SBF2: variants seen among roughly 807,000 people sequenced by gnomAD.
SBF2 encodes myotubularin-related protein 13.
Under a neutral mutation model 225.2 loss-of-function variants are expected in SBF2, and 112 were observed. That is an observed-to-expected ratio of 0.50 (90% CI 0.43 to 0.58). The LOEUF (loss-of-function observed/expected upper bound fraction) is 0.58. SBF2 is among the 20% of genes least tolerant of loss of function. SBF2 has a pLI of 0.00. For synonymous variants in SBF2, 763 were observed against 773.3 expected (o/e 0.99, Z 0.22); for missense variants, 1,996 against 2,206.2 (o/e 0.90, Z 1.91).
At chr11:9,888,753 T>C (rs1860547698) in intron 17 of SBF2, among the ~76,000 whole-genome samples, 1 of 152,180 alleles carries the variant, frequency 6.6e-6, no homozygotes, top group Admixed American at 6.5e-5. Flanking sequence ...TGGAACTCAT[T>C]TGAAGAACTC....
At chr11:10,093,425 G>T (rs1193631401) in intron 2 of SBF2, among the ~76,000 whole-genome samples, 1 of 149,748 alleles carries the variant, frequency 6.7e-6, no homozygotes, top group African/African-American at 2.5e-5. Context: ...AATCTTGAAA[G>T]AATAAGCTGC....
chr11:10,245,822 G>T (rs536613305), intron 1 of SBF2, among the ~76,000 whole-genome samples: 2 of 152,270 alleles, frequency 1.3e-5, no homozygotes, highest in African/African-American at 2.4e-5. Flanking sequence ...CCTTCAGAAA[G>T]GTATCTTGCC....
At chr11:10,097,158 A>G (rs889916302) in intron 2 of SBF2, among the ~76,000 whole-genome samples, 3 of 152,184 alleles carry the variant, frequency 2.0e-5, no homozygotes, top group African/African-American at 7.2e-5. Flanking sequence ...TGAGGAAATG[A>G]GTTCACCCTG....
chr11:10,119,071 T>C (rs758653168), intron 2 of SBF2, among the ~76,000 whole-genome samples: 3 of 152,020 alleles, frequency 2.0e-5, no homozygotes, highest in Admixed American at 6.6e-5. Context: ...GGTAGAACAA[T>C]GTTTGAAAAA....
intron 28 of SBF2, among the ~76,000 whole-genome samples, chr11:9,817,768 C>CAAAAAA (rs1564880660): frequency 1.6e-5 from 1 of 64,364 alleles, no homozygotes; most frequent in Non-Finnish European, 2.8e-5. Flanking sequence ...AAAAAAAAAA[C>CAAAAAA]TACAAAAAGA....
intron 13 of SBF2, 35 bp downstream of exon 13, chr11:9,989,459 TAAA>T (rs775639288): frequency 1.6e-6 from 2 of 1,275,852 alleles, no homozygotes; most frequent in Non-Finnish European, 2.2e-6. Context: ...AATAAATAAA[TAAA>T]ATTAATGACT....
chr11:10,229,619 G>A (rs1370661523), intron 1 of SBF2, among the ~76,000 whole-genome samples: 3 of 152,152 alleles, frequency 2.0e-5, no homozygotes, highest in African/African-American at 4.8e-5. Context: ...GTAGTTGAGT[G>A]GTTTTGAGTG....
chr11:9,879,114 CCAT>C (rs1859530155), intron 17 of SBF2, among the ~76,000 whole-genome samples: 1 of 152,160 alleles, frequency 6.6e-6, no homozygotes, highest in Non-Finnish European at 1.5e-5. Context: ...TGATTTTCTG[CCAT>C]AATAATTTCT....
At chr11:10,221,003 A>G (rs1025606966) in intron 1 of SBF2, among the ~76,000 whole-genome samples, 3 of 152,116 alleles carry the variant, frequency 2.0e-5, no homozygotes, top group Admixed American at 1.3e-4. Flanking sequence ...GACTGGGCTA[A>G]GCTTCTATTC....
At chr11:10,224,106 T>C (rs1958449559) in intron 1 of SBF2, among the ~76,000 whole-genome samples, 1 of 152,174 alleles carries the variant, frequency 6.6e-6, no homozygotes, top group Admixed American at 6.6e-5. Flanking sequence ...TATCTACTTA[T>C]ATTTTATGTA....
At chr11:10,174,913 A>G (rs12270341) in intron 2 of SBF2, among the ~76,000 whole-genome samples, 8,931 of 141,820 alleles carry the variant, frequency 0.063, 391 homozygotes, top group East Asian at 0.2. Flanking sequence ...GCCAAACTAA[A>G]CTTCATAAGT....
chr11:10,082,729 A>G (rs772560528), intron 2 of SBF2, among the ~76,000 whole-genome samples: 64 of 152,192 alleles, frequency 4.2e-4, no homozygotes, highest in Non-Finnish European at 6.3e-4. Context: ...CAGAAGGAAC[A>G]TATCTCAATG....
chr11:10,270,385 G>C (rs112977775), intron 1 of SBF2, among the ~76,000 whole-genome samples: 71 of 152,218 alleles, frequency 4.7e-4, no homozygotes, highest in African/African-American at 1.7e-3. Context: ...AAGCAGACTA[G>C]AGAAAAGAAA....
chr11:10,255,416 A>C (rs1035784023), intron 1 of SBF2, among the ~76,000 whole-genome samples: 18 of 152,344 alleles, frequency 1.2e-4, no homozygotes, highest in African/African-American at 4.3e-4. Flanking sequence ...CTGGTTTGTC[A>C]AGTTCTTTGG....
chr11:10,225,158 G>A (rs1958490281), intron 1 of SBF2, among the ~76,000 whole-genome samples: 2 of 151,918 alleles, frequency 1.3e-5, no homozygotes, highest in Non-Finnish European at 2.9e-5. Context: ...TGTTACCTCA[G>A]AATTAGGATG....
intron 2 of SBF2, among the ~76,000 whole-genome samples, chr11:10,079,616 C>T (rs1014811941): frequency 9.2e-5 from 14 of 152,088 alleles, no homozygotes; most frequent in Non-Finnish European, 1.9e-4. Context: ...CAAGACTGAA[C>T]CTACAAATCA....
intron 2 of SBF2, among the ~76,000 whole-genome samples, chr11:10,112,395 G>A (rs1482726460): frequency 1.3e-5 from 2 of 152,168 alleles, no homozygotes; most frequent in Non-Finnish European, 2.9e-5. Flanking sequence ...TTTAAAATGG[G>A]AGTTTCCTTG....
At chr11:9,791,774 A>T (rs1003653060) in intron 33 of SBF2, among the ~76,000 whole-genome samples, 1 of 152,256 alleles carries the variant, frequency 6.6e-6, no homozygotes, top group Admixed American at 6.5e-5. Context: ...GGCATGGATT[A>T]GACTGAAAGG....
chr11:9,884,546 T>C (rs181604618), intron 17 of SBF2, among the ~76,000 whole-genome samples: 28 of 152,322 alleles, frequency 1.8e-4, no homozygotes, highest in African/African-American at 6.5e-4. Flanking sequence ...TAACTGCATT[T>C]TCCTCCTACA....
Sources: allele counts gnomAD v4.1 joint callset (sites outside exome capture counted in the v4.1 genomes callset), GRCh38; gene constraint gnomAD v4.1.1; transcripts MANE v1.5; gene names NCBI Gene and HGNC (gene_info 2026-07-23, HGNC 2026-07-21).